Variants in RSU1 observed in about 807,000 individuals in gnomAD.
RSU1 encodes rsu-1.
In RSU1, 26 loss-of-function variants were observed where a neutral mutation model predicts 31.1. The ratio of observed to expected loss-of-function variants is 0.84; its 90% confidence interval spans 0.61 to 1.16. The LOEUF (loss-of-function observed/expected upper bound fraction) is 1.16, where lower values mean the gene tolerates loss of function less well. RSU1 is among the 50% of genes most tolerant of loss of function. The probability of loss-of-function intolerance (pLI) is 0.00; values close to 1 mark genes in which losing one functional copy is unlikely to be tolerated. For missense variants in RSU1, 320 were observed against 339.1 expected, an observed-to-expected ratio of 0.94 and a Z score of 0.44; for synonymous variants, 164 against 136.3, an observed-to-expected ratio of 1.20 and a Z score of -1.41.
rs1834542642 is a variant in RSU1 at position 16,645,920 on chromosome 10, G to GTGTATATACATATA, written c.731+49102_731+49103insTATATGTATATACA. Among the ~76,000 whole-genome samples, 8 of 20,040 alleles carry GTGTATATACATATA rather than the reference G, an allele frequency of 4.0e-4. No homozygotes were observed. The Admixed American group carries it at 5.5e-3, about 14-fold the overall frequency. The allele number at this position is 20,040 out of a possible 152,430, so 13.1% of individuals were successfully genotyped here. ...TATATACACATATATGTATATATAT[G>GTGTATATACATATA]TGTATATACACATATGTGTATATAT... is the stretch of plus-strand genomic sequence containing the variant. On this transcript the variant is annotated intron_variant, in intron 8 of 8. Coordinates refer to ENST00000345264, the MANE Select transcript of RSU1 (RefSeq NM_012425.4).
intron 8 of RSU1, among the ~76,000 whole-genome samples, chr10:16,656,638 G>GTATGCACAAGCA (rs1834785096): frequency 6.6e-6 from 1 of 152,194 alleles, no homozygotes; most frequent in Admixed American, 6.5e-5. Context: ...GACCAACCAA[G>GTATGCACAAGCA]TATGCACAAG....
At chr10:16,624,927 G>T (rs946457530) in intron 8 of RSU1, among the ~76,000 whole-genome samples, 2 of 152,074 alleles carry the variant, frequency 1.3e-5, no homozygotes, top group Non-Finnish European at 2.9e-5. Context: ...ATTAATATTA[G>T]TCACTTTGCA....
intron 8 of RSU1, among the ~76,000 whole-genome samples, chr10:16,607,791 G>A (rs17138855): frequency 0.22 from 33,597 of 152,140 alleles, 4,608 homozygotes; most frequent in East Asian, 0.35. Context: ...ATCATGTTAC[G>A]TGAAACTCTA....
At chr10:16,673,701 C>A (rs545298313) in intron 8 of RSU1, among the ~76,000 whole-genome samples, 1 of 152,192 alleles carries the variant, frequency 6.6e-6, no homozygotes, top group African/African-American at 2.4e-5. Flanking sequence ...CAGCCTCCTG[C>A]AGCACACAGA....
chr10:16,662,216 T>C (rs1033855207), intron 8 of RSU1, among the ~76,000 whole-genome samples: 2 of 152,226 alleles, frequency 1.3e-5, no homozygotes, highest in Non-Finnish European at 2.9e-5. Context: ...ATTGATCAGA[T>C]TGGCACTCCT....
intron 8 of RSU1, among the ~76,000 whole-genome samples, chr10:16,677,751 T>A (rs1415276033): frequency 6.6e-6 from 1 of 152,238 alleles, no homozygotes; most frequent in African/African-American, 2.4e-5. Flanking sequence ...GCTCCAAGAT[T>A]ATAAGTATTT....
intron 8 of RSU1, among the ~76,000 whole-genome samples, chr10:16,644,804 A>T (rs1156421330): frequency 1.3e-5 from 2 of 152,198 alleles, no homozygotes; most frequent in African/African-American, 4.8e-5. Flanking sequence ...GATAAGCAAA[A>T]ATGTGTATTG....
intron 3 of RSU1, among the ~76,000 whole-genome samples, chr10:16,780,606 A>G (rs2131645015): frequency 6.6e-6 from 1 of 152,338 alleles, no homozygotes; most frequent in East Asian, 1.9e-4. Context: ...CATTGTTGTA[A>G]CAATGGTAAG....
intron 8 of RSU1, among the ~76,000 whole-genome samples, chr10:16,664,395 A>C (rs1262675696): frequency 1.3e-5 from 2 of 152,246 alleles, no homozygotes; most frequent in Non-Finnish European, 2.9e-5. Flanking sequence ...CTGGAGGCTT[A>C]AAAGTCACTA....
At chr10:16,679,884 T>G (rs1190295467) in intron 8 of RSU1, among the ~76,000 whole-genome samples, 13 of 148,786 alleles carry the variant, frequency 8.7e-5, no homozygotes, top group East Asian at 2.0e-4. Flanking sequence ...TTTTTTTTTT[T>G]TTTTTTTTTT....
At position 16,608,483 on chromosome 10, in the gene RSU1, G is replaced by A. The variant is rs1040630678; in HGVS notation, c.732-14987C>T. On this transcript the variant is annotated intron_variant, in intron 8 of 8. Coordinates refer to ENST00000345264, the MANE Select transcript of RSU1 (RefSeq NM_012425.4). ...GGTGAGCTTTAGGCAGAAGCAGCTC[G>A]GAGAAGCTGCATCTGGTACCTTTTC... is the stretch of plus-strand genomic sequence containing the variant. 3.3e-5 allele frequency among the ~76,000 whole-genome samples: 5 copies of A among 152,216 alleles called. No individual in the cohort carries two copies. In the East Asian group the frequency reaches 7.7e-4, roughly 24 times the overall value.
chr10:16,616,284 C>T (rs1041938185), intron 8 of RSU1, among the ~76,000 whole-genome samples: 2 of 151,376 alleles, frequency 1.3e-5, no homozygotes, highest in Admixed American at 6.6e-5. Context: ...CACACCCCCT[C>T]CCAAGACTAA....
intron 2 of RSU1, among the ~76,000 whole-genome samples, chr10:16,803,091 C>G (rs1838190437): frequency 1.3e-5 from 2 of 152,220 alleles, no homozygotes; most frequent in South Asian, 2.1e-4. Context: ...TTAAAACTGT[C>G]TTTCTCCACA....
At chr10:16,714,347 T>C (rs200116543) in intron 7 of RSU1, among the ~76,000 whole-genome samples, 319 of 152,270 alleles carry the variant, frequency 2.1e-3, no homozygotes, top group Admixed American at 3.3e-3. Context: ...TGAAATGGGG[T>C]TGGGCAGCCT....
In RSU1 at chr10:16,669,207, T is replaced by C. The variant is rs566017078; in HGVS notation, c.731+25816A>G. 1.1e-4 allele frequency among the ~76,000 whole-genome samples: 17 copies of C among 152,150 alleles called. No individual in the cohort carries two copies. The South Asian group carries it at 1.9e-3, about 17-fold the overall frequency. ...TGACCTACAAACGTGCAACTCCTAA[T>C]ATGTTACAGAAGAAAAAAAATTCAG... is the stretch of plus-strand genomic sequence containing the variant. On this transcript the variant is annotated intron_variant, in intron 8 of 8. Transcript: ENST00000345264.
chr10:16,632,672 C>T (rs1054232308), intron 8 of RSU1, among the ~76,000 whole-genome samples: 2 of 152,124 alleles, frequency 1.3e-5, no homozygotes, highest in African/African-American at 2.4e-5. Flanking sequence ...AGTGTGGTGG[C>T]TCACACCTGT....
intron 7 of RSU1, among the ~76,000 whole-genome samples, chr10:16,734,958 C>A (rs1285280491): frequency 6.6e-6 from 1 of 152,136 alleles, no homozygotes; most frequent in African/African-American, 2.4e-5. Context: ...AGTGAAGACA[C>A]AGGGAGAAAA....
intron 2 of RSU1, among the ~76,000 whole-genome samples, chr10:16,785,398 C>T (rs1424660397): frequency 1.1e-5 from 1 of 89,654 alleles, no homozygotes; most frequent in East Asian, 4.3e-4. Context: ...CACTCTCTCT[C>T]TATCTTTCTA....
chr10:16,641,563 G>C (rs930074176), intron 8 of RSU1, among the ~76,000 whole-genome samples: 8 of 152,042 alleles, frequency 5.3e-5, no homozygotes, highest in African/African-American at 1.7e-4. Flanking sequence ...ATTGGTTGTT[G>C]TAAGTACATC....
Sources: gnomAD v4.1 joint callset for allele counts (sites outside exome capture counted in the v4.1 genomes callset) on GRCh38, gnomAD v4.1.1 for gene constraint, MANE v1.5 for transcripts, NCBI Gene and HGNC (gene_info 2026-07-23, HGNC 2026-07-21) for gene names.